Variants in NPNT observed in about 807,000 individuals in gnomAD.
NPNT encodes preosteoblast EGF-like repeat protein with MAM domain.
Under a neutral mutation model 68.6 loss-of-function variants are expected in NPNT, and 45 were observed. That is an observed-to-expected ratio of 0.66 (90% CI 0.52 to 0.84). NPNT has a LOEUF of 0.84. Ranked by LOEUF, NPNT falls within the 40% of genes least tolerant of loss-of-function variation. The pLI is 0.00. For missense variants in NPNT, 672 were observed against 714.8 expected (o/e 0.94, Z 0.68); for synonymous variants, 233 against 253.3 (o/e 0.92, Z 0.76).
chr4:105,924,477 G>A (rs906213977), intron 2 of NPNT, among the ~76,000 whole-genome samples: 6 of 152,136 alleles, frequency 3.9e-5, no homozygotes, highest in Admixed American at 6.6e-5. Context: ...ATAGCCATTG[G>A]CTAATCTAAG....
intron 8 of NPNT, among the ~76,000 whole-genome samples, chr4:105,950,291 A>G (rs1730717178): frequency 6.6e-6 from 1 of 152,166 alleles, no homozygotes; most frequent in Non-Finnish European, 1.5e-5. Flanking sequence ...GTGTTGTCAG[A>G]AGCCCATTTT....
intron 2 of NPNT, among the ~76,000 whole-genome samples, chr4:105,926,899 A>G (rs1418833724): frequency 6.6e-6 from 1 of 152,140 alleles, no homozygotes; most frequent in Non-Finnish European, 1.5e-5. Flanking sequence ...AGTAAAATAA[A>G]TATTTTATGT....
At chr4:105,957,359 G>A (rs1478200492) in intron 8 of NPNT, among the ~76,000 whole-genome samples, 1 of 152,086 alleles carries the variant, frequency 6.6e-6, no homozygotes, top group African/African-American at 2.4e-5. Flanking sequence ...CTTAGTGCCC[G>A]CCACAGTGGT....
intron 2 of NPNT, among the ~76,000 whole-genome samples, chr4:105,914,992 G>C (rs1224663519): frequency 6.6e-6 from 1 of 152,170 alleles, no homozygotes; most frequent in Non-Finnish European, 1.5e-5. Flanking sequence ...TTTAAGCAGA[G>C]AAATTAATAT....
intron 3 of NPNT, among the ~76,000 whole-genome samples, chr4:105,933,889 G>T (rs867727343): frequency 3.0e-4 from 45 of 152,124 alleles, no homozygotes; most frequent in African/African-American, 8.5e-4. Flanking sequence ...TTTAAGACTT[G>T]TATACATAAT....
chr4:105,940,223 A>T lies in NPNT; in HGVS notation c.640+14A>T. 6.2e-7 allele frequency: 1 copy of T among 1,611,940 alleles called. No individual in the cohort carries two copies. Among genetic ancestry groups the T allele is most frequent in the Non-Finnish European group, 8.5e-7 (1 of 1,178,656 alleles). ...ATCAATGTCATGGTAATGAAACCCA[A>T]CCATTGCTTTGTGTTGTTTCTTCCT... is the stretch of plus-strand genomic sequence containing the variant. On this transcript the variant is annotated intron_variant, in intron 6 of 11. Transcript: ENST00000379987.
At position 105,940,608 on chromosome 4, in the gene NPNT, A is replaced by T. The variant is rs777227108; in HGVS notation, c.735A>T (p.Gly245=). 1 of 1,613,532 alleles carries T rather than the reference A, an allele frequency of 6.2e-7. No individual in the cohort carries two copies. Among genetic ancestry groups the T allele is most frequent in the Non-Finnish European group, 8.5e-7 (1 of 1,179,554 alleles). The change falls in exon 7 of 12, where the codon GGA becomes GGT. Residue 245 remains glycine, a synonymous_variant. Transcript: ENST00000379987. ...RGSYKCKCKE[G]YQGDGLTCVY... ...CCTACAAGTGCAAATGTAAAGAAGG[A>T]TACCAGGGTGATGGACTGACTTGTG...
chr4:105,944,268 C>T (rs1730206658), intron 8 of NPNT, among the ~76,000 whole-genome samples: 2 of 152,074 alleles, frequency 1.3e-5, no homozygotes, highest in South Asian at 4.2e-4. Context: ...GTCTTTTTCT[C>T]CCTATTACTC....
rs79236541 is a variant in NPNT at position 105,951,220 on chromosome 4, G to A, written c.1160-7251G>A. Among the ~76,000 whole-genome samples the A allele has an allele frequency of 3.9e-3, 594 of 152,282 alleles. 4 individuals carry two copies. The highest frequency in any genetic ancestry group is 0.013 in the African/African-American group (547 of 41,564). On this transcript the variant is annotated intron_variant, in intron 8 of 11. Coordinates refer to ENST00000379987, the MANE Select transcript of NPNT (RefSeq NM_001033047.3). ...CTCATGTAAAATAAAAAGAAAAGGC[G>A]TTAATAGAAGCCAGATTATAGAACA...
chr4:105,915,802 A>C (rs79318644), intron 2 of NPNT, among the ~76,000 whole-genome samples: 32 of 152,340 alleles, frequency 2.1e-4, no homozygotes, highest in Non-Finnish European at 4.4e-4. Flanking sequence ...ATCTGAACAG[A>C]ACACAGGCTA....
intron 2 of NPNT, chr4:105,912,096 T>C (rs1398758132): frequency 1.2e-6 from 1 of 844,666 alleles, no homozygotes; most frequent in Non-Finnish European, 1.9e-6. Context: ...TGTGTAAGTC[T>C]CCGGGAATGT....
At chr4:105,906,533 G>A (rs1012503744) in intron 2 of NPNT, among the ~76,000 whole-genome samples, 5 of 152,232 alleles carry the variant, frequency 3.3e-5, no homozygotes, top group Admixed American at 3.3e-4. Flanking sequence ...ATATCTAGCT[G>A]TGATGGATGA....
chr4:105,929,142 C>A (rs535211554), intron 3 of NPNT, among the ~76,000 whole-genome samples: 1 of 152,176 alleles, frequency 6.6e-6, no homozygotes, highest in East Asian at 1.9e-4. Context: ...AACAGTTCCC[C>A]TCCCTGTGTC....
In NPNT at chr4:105,969,050, C is replaced by A; in HGVS notation, c.*60C>A. The stretch of plus-strand genomic sequence containing the variant: ...TCTATCCTCTTTTTCCAATTCTCAT[C>A]TTCTCTCCTCTTCTCCCTTTTATCA... On this transcript the variant is annotated 3_prime_UTR_variant, in exon 12 of 12. Transcript: ENST00000379987. 2 of 1,017,966 alleles carry A rather than the reference C, an allele frequency of 2.0e-6. No homozygotes were observed. The highest frequency in any genetic ancestry group is 3.0e-6 in the Non-Finnish European group (2 of 662,240). The allele number at this position is 1,017,966 out of a possible 1,614,324, so 63.1% of individuals were successfully genotyped here. A position where few individuals can be genotyped will look rare whatever the true frequency, so the allele number is the denominator to read the frequency against.
At chr4:105,938,239 G>C (rs977546644) in intron 4 of NPNT, 62 bp from the exon 5 acceptor site, 29 of 1,561,846 alleles carry the variant, frequency 1.9e-5, no homozygotes, top group Non-Finnish European at 2.4e-5. Context: ...AAAAAACATA[G>C]CTATTTCCAT....
chr4:105,908,334 T>A (rs1031175166), intron 2 of NPNT, among the ~76,000 whole-genome samples: 8 of 152,134 alleles, frequency 5.3e-5, no homozygotes, highest in Non-Finnish European at 8.8e-5. Context: ...TTTTTAACCA[T>A]TCTGTAGATT....
rs371602917 is a variant in NPNT at position 105,967,241 on chromosome 4, C to T, written c.1399C>T (p.Arg467Cys). Residue 467 changes from arginine to cysteine, a missense_variant, in exon 11 of 12, where the codon CGC (arginine) becomes TGC (cysteine). Physicochemically the swap from Arg to Cys is radical, Grantham distance 180. Coordinates refer to ENST00000379987, the MANE Select transcript of NPNT (RefSeq NM_001033047.3). ...AAKAPGGKAA[R>C]LVLPLGRLMH... Reference sequence around the variant, plus strand: ...CAAAGCCCCAGGGGGAAAAGCTGCACGCTTGGTGCTACCTCTCGGCCGCCT... The same window carrying T: ...CAAAGCCCCAGGGGGAAAAGCTGCATGCTTGGTGCTACCTCTCGGCCGCCT... The T allele has an allele frequency of 4.7e-5, 76 of 1,613,870 alleles. No individual in the cohort carries two copies. The highest frequency in any genetic ancestry group is 7.7e-5 in the South Asian group (7 of 91,082).
chr4:105,910,028 T>G (rs1727233760), intron 2 of NPNT, among the ~76,000 whole-genome samples: 1 of 151,210 alleles, frequency 6.6e-6, no homozygotes, highest in African/African-American at 2.4e-5. Flanking sequence ...TTACAGTAAA[T>G]GAAACTATAC....
chr4:105,898,290 T>TTCTC (rs148494812), intron 2 of NPNT, among the ~76,000 whole-genome samples: 49 of 94,758 alleles, frequency 5.2e-4, no homozygotes, highest in South Asian at 1.9e-3. Context: ...CCAGGTTTAT[T>TTCTC]TCTCTCTCTC....
Sources: allele counts gnomAD v4.1 joint callset (sites outside exome capture counted in the v4.1 genomes callset), GRCh38; gene constraint gnomAD v4.1.1; transcripts MANE v1.5; gene names NCBI Gene and HGNC (gene_info 2026-07-23, HGNC 2026-07-21).